The following DNAH17 variants were observed in gnomAD, a reference collection of about 807,000 sequenced individuals.
DNAH17 encodes dynein axonemal heavy chain 17.
Under a neutral mutation model 485.6 loss-of-function variants are expected in DNAH17, and 376 were observed. That is an observed-to-expected ratio of 0.77 (90% confidence interval 0.71 to 0.84). The LOEUF (loss-of-function observed/expected upper bound fraction) is 0.84. Ranked by LOEUF, DNAH17 falls within the 40% of genes least tolerant of loss-of-function variation. DNAH17 has a pLI of 0.00. For missense variants in DNAH17, 6,370 were observed against 5,839.3 expected (o/e 1.09, Z -2.96); for synonymous variants, 3,031 against 2,405.9 (o/e 1.26, Z -7.60).
At chr17:78,473,329 G>T (rs2088853963) in intron 54 of DNAH17, among the ~76,000 whole-genome samples, 1 of 152,202 alleles carries the variant, frequency 6.6e-6, no homozygotes, top group Non-Finnish European at 1.5e-5. Flanking sequence ...CAGATCACGA[G>T]GTCAGGAGAT....
In DNAH17 at chr17:78,455,722, G is replaced by A. The variant is rs748760346; in HGVS notation, c.10092C>T (p.Ser3364=). ...GDVLLISAFV[S]YVGYFTKKYR... is the part of the protein sequence containing the mutation. ...ATTTCTTGGTGAAGTAGCCCACGTAGGACACGAAGGCAGAGATGAGCAGGA... is the reference window on the plus strand; with the variant it reads ...ATTTCTTGGTGAAGTAGCCCACGTAAGACACGAAGGCAGAGATGAGCAGGA... Residue 3364 remains serine (S), a synonymous_variant, in exon 63 of 81, where the codon TCC becomes TCT. Transcript: ENST00000389840. The A allele has an allele frequency of 1.2e-6, 2 of 1,609,194 alleles. No individual in the cohort carries two copies. The highest frequency in any genetic ancestry group is 1.1e-5 in the South Asian group (1 of 89,818).
At position 78,453,387 on chromosome 17, in the gene DNAH17, G is replaced by T; in HGVS notation, c.10485C>A (p.Pro3495=). ...TCCTGCCCAGTAGAGGGTCCAGCAC[G>T]GGGTCCACGGTTTCGCCGATGTTCT... ...LIENIGETVD[P]VLDPLLGRNT... The change falls in exon 65 of 81, where the codon CCC becomes CCA. Residue 3495 remains proline (P), a synonymous_variant. Transcript: ENST00000389840. 6.2e-7 allele frequency: 1 copy of T among 1,613,752 alleles called. No homozygotes were observed. Among genetic ancestry groups the T allele is most frequent in the Non-Finnish European group, 8.5e-7 (1 of 1,179,788 alleles).
intron 74 of DNAH17, 90 bp from the exon 75 acceptor site, chr17:78,434,310 C>T (rs2086790417): frequency 7.7e-7 from 1 of 1,295,868 alleles, no homozygotes; most frequent in African/African-American, 1.5e-5. Flanking sequence ...CAGCCCTTGC[C>T]AGATGCTTTG....
intron 47 of DNAH17, 123 bp downstream of exon 47, chr17:78,485,427 A>C: frequency 3.2e-6 from 3 of 927,404 alleles, no homozygotes; most frequent in Non-Finnish European, 4.8e-6. Context: ...CGGGTGGGGC[A>C]TGGGAAGTGA....
chr17:78,534,277 G>T (rs1334057854), intron 19 of DNAH17, among the ~76,000 whole-genome samples: 1 of 152,250 alleles, frequency 6.6e-6, no homozygotes, highest in African/African-American at 2.4e-5. Context: ...TGTGCATGGA[G>T]ATCTTGTCTG....
At chr17:78,461,122 G>A (rs113772002) in intron 58 of DNAH17, among the ~76,000 whole-genome samples, 1 of 152,008 alleles carries the variant, frequency 6.6e-6, no homozygotes, top group Non-Finnish European at 1.5e-5. Context: ...TACCCTCTCG[G>A]GGGGGGCCCG....
chr17:78,474,147 G>C (rs189130691), intron 54 of DNAH17, among the ~76,000 whole-genome samples: 3 of 152,328 alleles, frequency 2.0e-5, no homozygotes, highest in Non-Finnish European at 4.4e-5. Context: ...ACTGCTCCCA[G>C]CATCACTGGC....
chr17:78,513,325 C>A (rs897393009), intron 26 of DNAH17, among the ~76,000 whole-genome samples: 4 of 152,132 alleles, frequency 2.6e-5, no homozygotes, highest in Non-Finnish European at 5.9e-5. Flanking sequence ...AAAGAAATCG[C>A]AGTATTTTAC....
intron 49 of DNAH17, among the ~76,000 whole-genome samples, chr17:78,479,909 C>T (rs149751557): frequency 2.7e-5 from 4 of 149,444 alleles, no homozygotes; most frequent in African/African-American, 7.3e-5. Flanking sequence ...AAATCCAGAT[C>T]TCTGTGTGTT....
In DNAH17 at chr17:78,463,066, C is replaced by T; in HGVS notation, c.8952G>A (p.Lys2984=). Residue 2984 remains lysine, a synonymous_variant, in exon 57 of 81, where the codon AAG becomes AAA. Coordinates refer to ENST00000389840, the MANE Select transcript of DNAH17 (RefSeq NM_173628.4). Reference sequence around the variant, plus strand: ...AGGACATGAAGAAGCTGATGGAGGCCTTGACTTCCCACTACAAAGATGAGA... The same window carrying T: ...AGGACATGAAGAAGCTGATGGAGGCTTTGACTTCCCACTACAAAGATGAGA... ...EETEGIPWEV[K]ASISFFMSYV... is the part of the protein sequence containing the mutation. The T allele has an allele frequency of 6.2e-7, 1 of 1,613,792 alleles. No homozygotes were observed. The highest frequency in any genetic ancestry group is 1.7e-5 in the Admixed American group (1 of 60,000).
At chr17:78,465,542 C>T (rs1470608510) in intron 56 of DNAH17, among the ~76,000 whole-genome samples, 1 of 121,504 alleles carries the variant, frequency 8.2e-6, no homozygotes, top group Non-Finnish European at 1.9e-5. Flanking sequence ...TCTGCCCGGC[C>T]GCCCATCGTC....
intron 65 of DNAH17, among the ~76,000 whole-genome samples, chr17:78,452,918 G>A (rs1329150338): frequency 2.6e-5 from 4 of 152,180 alleles, no homozygotes; most frequent in Non-Finnish European, 5.9e-5. Flanking sequence ...CTTCCTTTCG[G>A]GGTGGTGAAA....
chr17:78,490,675 C>T (rs370370260), intron 44 of DNAH17, 24 bp downstream of exon 44: 3 of 1,591,486 alleles, frequency 1.9e-6, no homozygotes, highest in East Asian at 2.3e-5. Context: ...AGGTTTGGAA[C>T]AGGAAAGCCA....
At chr17:78,470,173 AAGG>A (rs966716059) in intron 54 of DNAH17, among the ~76,000 whole-genome samples, 4 of 142,650 alleles carry the variant, frequency 2.8e-5, no homozygotes, top group Non-Finnish European at 6.0e-5. Flanking sequence ...TCCCGGGTTC[AAGG>A]AGTTCTCCTG....
In DNAH17 at chr17:78,561,723, G is replaced by C; in HGVS notation, c.1827C>G (p.Val609=). 6.2e-7 allele frequency: 1 copy of C among 1,606,478 alleles called. No individual in the cohort carries two copies. Among genetic ancestry groups the C allele is most frequent in the Non-Finnish European group, 8.5e-7 (1 of 1,175,394 alleles). ...CCAGGGCTGTGACTCACGGGTGTTC[G>C]ACGTGCTTCAGGTGTTTCATGGACA... ...LEVSMKHLKH[V]EHPVMSGAEA... Residue 609 remains valine, a synonymous_variant, in exon 12 of 81, where the codon GTC becomes GTG. Transcript: ENST00000389840.
At chr17:78,544,824 A>AAAAAAAAAAAAAAAAAAAAT (rs2091711195) in intron 16 of DNAH17, among the ~76,000 whole-genome samples, 1 of 146,980 alleles carries the variant, frequency 6.8e-6, no homozygotes, top group African/African-American at 2.5e-5. Context: ...AAAAAAAAAA[A>AAAAAAAAAAAAAAAAAAAAT]GGTGGGGGTG....
intron 17 of DNAH17, 27 bp downstream of exon 17, chr17:78,543,830 C>A: frequency 1.2e-6 from 2 of 1,613,878 alleles, no homozygotes; most frequent in South Asian, 2.2e-5. Context: ...AGTGGGTTCT[C>A]AAAAAACCTC....
At chr17:78,449,838 TA>T (rs758691895) in intron 68 of DNAH17, 1 of 469,694 alleles carries the variant, frequency 2.1e-6, no homozygotes. Context: ...CACACCTGGC[TA>T]ATTTTTTTTT....
intron 57 of DNAH17, 139 bp downstream of exon 57, chr17:78,462,705 A>G (rs1323158805): frequency 3.9e-6 from 3 of 766,284 alleles, no homozygotes; most frequent in Non-Finnish European, 6.3e-6. Flanking sequence ...TGCTTCTCAA[A>G]GGCAGGAAGC....
Sources: allele counts gnomAD v4.1 joint callset (sites outside exome capture counted in the v4.1 genomes callset), GRCh38; gene constraint gnomAD v4.1.1; transcripts MANE v1.5; gene names NCBI Gene and HGNC (gene_info 2026-07-23, HGNC 2026-07-21).